FOXN2: variants seen among roughly 807,000 people sequenced by gnomAD.
The protein encoded by FOXN2 is forkhead box N2, also known as forkhead box protein N2.
Under a neutral mutation model 41.2 loss-of-function variants are expected in FOXN2, and 19 were observed. That is an observed-to-expected ratio of 0.46 (90% CI 0.32 to 0.68). FOXN2 has a LOEUF of 0.68. FOXN2 is among the 30% of genes least tolerant of loss of function. The pLI is 0.03. For missense variants in FOXN2, 587 were observed against 509.4 expected, an observed-to-expected ratio of 1.15 and a Z score of -1.47; for synonymous variants, 195 against 176.8, an observed-to-expected ratio of 1.10 and a Z score of -0.82.
At chr2:48,315,201 C>T (rs529148723) in intron 1 of FOXN2, among the ~76,000 whole-genome samples, 21 of 152,178 alleles carry the variant, frequency 1.4e-4, no homozygotes, top group African/African-American at 5.1e-4. Flanking sequence ...CGGCTCGGGG[C>T]TGGAATCTGC....
intron 5 of FOXN2, among the ~76,000 whole-genome samples, chr2:48,370,208 C>G (rs1572778840): frequency 2.0e-5 from 3 of 152,152 alleles, no homozygotes; most frequent in Middle Eastern, 3.4e-3. Context: ...GAAGATTTGC[C>G]TTTTTTCCAA....
At chr2:48,374,024 G>A (rs1673076361) in intron 6 of FOXN2, among the ~76,000 whole-genome samples, 1 of 151,258 alleles carries the variant, frequency 6.6e-6, no homozygotes, top group Non-Finnish European at 1.5e-5. Context: ...CAGTGAGCTG[G>A]AGAGCACTGC....
Position 48,362,694 on chromosome 2 carries a change from G to A in FOXN2, c.690G>A (p.Val230=), listed in dbSNP as rs749798803. The part of the protein sequence containing the change: ...YLSSVIKQNQ[V]RNLKESDIDA... ...GCTCTGTAATCAAGCAGAACCAGGT[G>A]CGAAACCTCAAAGGTATGTGTGAAT... The change falls in exon 5 of 7, where the codon GTG becomes GTA. Residue 230 remains valine (V), a synonymous_variant. Transcript: ENST00000340553. The A allele has an allele frequency of 5.3e-5, 86 of 1,613,672 alleles. No individual in the cohort carries two copies. Among genetic ancestry groups the A allele is most frequent in the Non-Finnish European group, 7.1e-5 (84 of 1,179,726 alleles).
chr2:48,340,993 TG>T (rs773877226), intron 2 of FOXN2, among the ~76,000 whole-genome samples: 1 of 152,248 alleles, frequency 6.6e-6, no homozygotes, highest in Non-Finnish European at 1.5e-5. Context: ...TATTAGTGGT[TG>T]TATTAATTAC....
intron 3 of FOXN2, among the ~76,000 whole-genome samples, chr2:48,350,774 A>G (rs1671397604): frequency 6.6e-6 from 1 of 152,206 alleles, no homozygotes; most frequent in African/African-American, 2.4e-5. Context: ...TAGTGGAGGC[A>G]GACTCTTCTT....
chr2:48,359,275 GTTTTTA>G (rs1425134413), intron 4 of FOXN2, 128 bp downstream of exon 4: 1 of 476,678 alleles, frequency 2.1e-6, no homozygotes, highest in East Asian at 9.8e-5. Context: ...GTTTTATTTA[GTTTTTA>G]GTTTTTAGTT....
intron 5 of FOXN2, among the ~76,000 whole-genome samples, chr2:48,364,584 T>C (rs1672406681): frequency 6.6e-6 from 1 of 152,254 alleles, no homozygotes. Flanking sequence ...GTATTTTTCA[T>C]TGAAAATAGG....
At chr2:48,358,312 G>A (rs79042738) in intron 3 of FOXN2, among the ~76,000 whole-genome samples, 3,897 of 152,036 alleles carry the variant, frequency 0.026, 67 homozygotes, top group Non-Finnish European at 0.041. Flanking sequence ...TTGCAGCTAT[G>A]TCTCTTGCAT....
At chr2:48,357,918 A>T (rs1322791885) in intron 3 of FOXN2, among the ~76,000 whole-genome samples, 3 of 150,708 alleles carry the variant, frequency 2.0e-5, no homozygotes, top group African/African-American at 7.3e-5. Context: ...AGTTAATGTG[A>T]TATCTTGCTG....
chr2:48,341,171 G>C (rs1670739660), intron 2 of FOXN2, among the ~76,000 whole-genome samples: 1 of 151,890 alleles, frequency 6.6e-6, no homozygotes, highest in Non-Finnish European at 1.5e-5. Context: ...TTACATCATA[G>C]GCCCAGGTTT....
rs1048187233 is a variant in FOXN2, at chr2:48,328,612, C to T, written c.-105C>T. 2 of 152,150 alleles carry T rather than the reference C, an allele frequency of 1.3e-5. No individual in the cohort carries two copies. Among genetic ancestry groups the T allele is most frequent in the Admixed American group, 6.5e-5 (1 of 15,272 alleles). 9.4% of individuals were successfully genotyped at this position (152,150 alleles called of 1,614,324 possible). ...CCACAGATGCAGAGGGCTGACTGTA[C>T]AAGTCTGTCAAAAAACCAAACTGCT... On this transcript the variant is annotated 5_prime_UTR_variant, in exon 2 of 7. The change creates a premature stop within an existing upstream ORF in the 5' untranslated region. Transcript: ENST00000340553.
chr2:48,342,039 T>C (rs1388277071), intron 2 of FOXN2, among the ~76,000 whole-genome samples: 1 of 152,182 alleles, frequency 6.6e-6, no homozygotes, highest in Non-Finnish European at 1.5e-5. Flanking sequence ...CTAAAAATAA[T>C]GTAGTACAGC....
intron 6 of FOXN2, among the ~76,000 whole-genome samples, chr2:48,374,287 A>T (rs899466036): frequency 6.6e-6 from 1 of 152,204 alleles, no homozygotes; most frequent in Non-Finnish European, 1.5e-5. Context: ...GGCAATACAC[A>T]TGTGAAAAGA....
At chr2:48,319,832 A>G (rs1443922039) in intron 1 of FOXN2, among the ~76,000 whole-genome samples, 1 of 103,952 alleles carries the variant, frequency 9.6e-6, no homozygotes, top group South Asian at 3.0e-4. Context: ...AGATCTGACT[A>G]TGTTGCCCAG....
intron 2 of FOXN2, among the ~76,000 whole-genome samples, chr2:48,339,828 GAC>G (rs1670621535): frequency 1.3e-5 from 2 of 152,176 alleles, no homozygotes; most frequent in Non-Finnish European, 2.9e-5. Flanking sequence ...TATGAACAAA[GAC>G]TTCTATAACA....
rs977419161 is a variant in FOXN2, at chr2:48,376,643, A to G, written c.*1200A>G. Reference sequence around the variant, plus strand: ...GAAAAAGATTTTCTGGTACTACTCCAAAAGTGCTTTGACTAAGTATCTTAA... The same window carrying G: ...GAAAAAGATTTTCTGGTACTACTCCGAAAGTGCTTTGACTAAGTATCTTAA... On this transcript the variant is annotated 3_prime_UTR_variant, in exon 7 of 7. Transcript: ENST00000340553. The G allele has an allele frequency of 2.0e-5, 3 of 152,504 alleles. No individual in the cohort carries two copies. The highest frequency in any genetic ancestry group is 4.4e-5 in the Non-Finnish European group (3 of 67,922). The allele number at this position is 152,504 out of a possible 1,614,324, so 9.4% of individuals were successfully genotyped here.
chr2:48,356,629 A>G (rs1671812621), intron 3 of FOXN2, among the ~76,000 whole-genome samples: 1 of 152,208 alleles, frequency 6.6e-6, no homozygotes, highest in Admixed American at 6.5e-5. Context: ...AATCATTACC[A>G]CTTTATAGTT....
intron 5 of FOXN2, among the ~76,000 whole-genome samples, chr2:48,372,569 C>T (rs1402156226): frequency 6.6e-6 from 1 of 151,974 alleles, no homozygotes; most frequent in Non-Finnish European, 1.5e-5. Flanking sequence ...ACTAGTATAT[C>T]ACCAAGATGA....
At chr2:48,325,074 A>T (rs1223276451) in intron 1 of FOXN2, among the ~76,000 whole-genome samples, 1 of 152,224 alleles carries the variant, frequency 6.6e-6, no homozygotes, top group South Asian at 2.1e-4. Flanking sequence ...TAGCTTGAGG[A>T]TGTAGATACT....
Sources: allele counts gnomAD v4.1 joint callset (sites outside exome capture counted in the v4.1 genomes callset), GRCh38; gene constraint gnomAD v4.1.1; transcripts MANE v1.5; gene names NCBI Gene and HGNC (gene_info 2026-07-23, HGNC 2026-07-21).